ANKRD30B: variants seen among roughly 807,000 people sequenced by gnomAD.
ANKRD30B encodes ankyrin repeat domain 30B.
Under a neutral mutation model 202.2 loss-of-function variants are expected in ANKRD30B, and 144 were observed. That is an observed-to-expected ratio of 0.71 (90% confidence interval 0.62 to 0.82). The LOEUF (loss-of-function observed/expected upper bound fraction) is 0.82. Ranked by LOEUF, ANKRD30B falls within the 40% of genes least tolerant of loss-of-function variation. ANKRD30B has a pLI of 0.00. For synonymous variants in ANKRD30B, 508 were observed against 561.3 expected, an observed-to-expected ratio of 0.91 and a Z score of 1.34; for missense variants, 1,487 against 1,669.1, an observed-to-expected ratio of 0.89 and a Z score of 1.90.
the ANKRD30B span, among the ~76,000 whole-genome samples, chr18:14,871,404 C>A: frequency 6.6e-6 from 1 of 151,170 alleles, no homozygotes. Context: ...AGGAGTGCAG[C>A]CTCGTACTCT....
intron 22 of ANKRD30B, among the ~76,000 whole-genome samples, chr18:14,799,844 C>T (rs1969200448): frequency 6.6e-6 from 1 of 151,946 alleles, no homozygotes; most frequent in South Asian, 2.1e-4. Context: ...AAGCTTTTGG[C>T]CTTGGTGTCT....
the ANKRD30B span, among the ~76,000 whole-genome samples, chr18:14,935,388 G>A: frequency 6.6e-6 from 1 of 152,186 alleles, no homozygotes; most frequent in South Asian, 2.1e-4. Context: ...CCAGAAGGTC[G>A]CCTGTCCACA....
chr18:14,758,049 T>G, intron 5 of ANKRD30B, 97 bp downstream of exon 5: 1 of 1,381,194 alleles, frequency 7.2e-7, no homozygotes, highest in Admixed American at 2.5e-5. Flanking sequence ...AGCCAGAAAC[T>G]AGGCAAAAAG....
intron 36 of ANKRD30B, among the ~76,000 whole-genome samples, chr18:14,840,288 A>G (rs1326385812): frequency 6.6e-6 from 1 of 152,184 alleles, no homozygotes; most frequent in Non-Finnish European, 1.5e-5. Context: ...CTGTAATCCC[A>G]ATATTTTCGG....
chr18:14,822,687 G>A lies in ANKRD30B; in HGVS notation c.2743+10G>A. 2 of 1,293,146 alleles carry A rather than the reference G, an allele frequency of 1.5e-6. No homozygotes were observed. Among genetic ancestry groups the A allele is most frequent in the Non-Finnish European group, 2.1e-6 (2 of 949,690 alleles). The allele number at this position is 1,293,146 out of a possible 1,614,324, so 80.1% of individuals were successfully genotyped here. A position where few individuals can be genotyped will look rare whatever the true frequency, so the allele number is the denominator to read the frequency against. ...GAAACATTCAAAGCAGGTAAATTTT[G>A]TAATTTTAATTTTACTGTGGAATTA... On this transcript the variant is annotated intron_variant, in intron 32 of 43. Transcript: ENST00000690538.
At chr18:14,882,693 G>T in the ANKRD30B span, among the ~76,000 whole-genome samples, 3 of 152,024 alleles carry the variant, frequency 2.0e-5, no homozygotes, top group Non-Finnish European at 2.9e-5. Flanking sequence ...GTCTAGTGCT[G>T]TCAGTGGAGT....
intron 16 of ANKRD30B, among the ~76,000 whole-genome samples, chr18:14,792,432 A>G (rs1968584778): frequency 6.6e-6 from 1 of 152,154 alleles, no homozygotes; most frequent in Non-Finnish European, 1.5e-5. Context: ...CTAAACAAAG[A>G]AAAAGGAAAG....
At chr18:14,797,940 T>C in intron 20 of ANKRD30B, 86 bp downstream of exon 20, 1 of 1,232,332 alleles carries the variant, frequency 8.1e-7, no homozygotes, top group Non-Finnish European at 1.1e-6. Context: ...CCAATGTTGT[T>C]TTCTTTTGAA....
chr18:14,883,624 G>A, the ANKRD30B span: 2 of 149,434 alleles, frequency 1.3e-5, no homozygotes, highest in African/African-American at 2.5e-5. Context: ...AGGAATTCCA[G>A]CTGGAATCTA....
chr18:14,833,721 C>T (rs1408603087), intron 34 of ANKRD30B, among the ~76,000 whole-genome samples: 2 of 152,104 alleles, frequency 1.3e-5, no homozygotes, highest in African/African-American at 4.8e-5. Flanking sequence ...AAATACTGAT[C>T]AGCAATATTA....
chr18:14,921,442 G>C, the ANKRD30B span, among the ~76,000 whole-genome samples: 1 of 152,272 alleles, frequency 6.6e-6, no homozygotes, highest in East Asian at 1.9e-4. Flanking sequence ...GGTGCAACCA[G>C]GCTTCTGTGA....
intron 16 of ANKRD30B, among the ~76,000 whole-genome samples, chr18:14,795,664 C>T (rs1176069252): frequency 1.3e-5 from 2 of 152,122 alleles, no homozygotes; most frequent in East Asian, 3.8e-4. Flanking sequence ...GATATTTATG[C>T]TGATAAATTT....
chr18:14,794,188 A>G (rs1015160080), intron 16 of ANKRD30B, among the ~76,000 whole-genome samples: 2 of 152,120 alleles, frequency 1.3e-5, no homozygotes, highest in Non-Finnish European at 2.9e-5. Flanking sequence ...AAAAAAAAGT[A>G]ATTTAAAAAA....
At chr18:14,859,177 G>A (rs1426197699), downstream of ANKRD30B, among the ~76,000 whole-genome samples, 275 of 105,836 alleles carry the variant, frequency 2.6e-3, no homozygotes, top group Non-Finnish European at 2.9e-3. Context: ...CAGATGGGGC[G>A]GGCTGGCAGA....
the ANKRD30B span, among the ~76,000 whole-genome samples, chr18:14,863,114 T>C: frequency 1.2e-4 from 18 of 152,272 alleles, no homozygotes; most frequent in Middle Eastern, 3.4e-3. Context: ...AGCTTGAGAT[T>C]TTTGGGGACT....
intron 15 of ANKRD30B, among the ~76,000 whole-genome samples, chr18:14,789,854 G>C (rs1383901314): frequency 6.6e-6 from 1 of 151,874 alleles, no homozygotes; most frequent in Non-Finnish European, 1.5e-5. Flanking sequence ...TTTTGGCTTA[G>C]GATTGACTTG....
chr18:14,805,991 C>T (rs1192852970), intron 24 of ANKRD30B, among the ~76,000 whole-genome samples: 2 of 150,396 alleles, frequency 1.3e-5, no homozygotes, highest in East Asian at 1.9e-4. Context: ...GAGGCCGAGG[C>T]GGGCAGATCA....
intron 22 of ANKRD30B, among the ~76,000 whole-genome samples, chr18:14,799,754 T>C (rs1969194300): frequency 6.6e-6 from 1 of 152,062 alleles, no homozygotes; most frequent in South Asian, 2.1e-4. Context: ...AGTGTGTGTG[T>C]GTGTGTGTGA....
chr18:14,763,234 G>A (rs1479143280), intron 6 of ANKRD30B, among the ~76,000 whole-genome samples: 5 of 152,046 alleles, frequency 3.3e-5, no homozygotes, highest in African/African-American at 4.8e-5. Context: ...TATATCCAAG[G>A]TGAAGAATTA....
Sources: gnomAD v4.1 joint callset for allele counts (sites outside exome capture counted in the v4.1 genomes callset) on GRCh38, gnomAD v4.1.1 for gene constraint, MANE v1.5 for transcripts, NCBI Gene and HGNC (gene_info 2026-07-23, HGNC 2026-07-21) for gene names.